Variants in TUBGCP4 observed in about 807,000 individuals in gnomAD.
The protein encoded by TUBGCP4 is tubulin gamma complex component 4.
In TUBGCP4, 54 loss-of-function variants were observed where a neutral mutation model predicts 91.6. The ratio of observed to expected loss-of-function variants is 0.59; its 90% CI spans 0.47 to 0.74. The LOEUF is 0.74. Among genes scored for constraint, TUBGCP4 ranks in the 30% least tolerant of loss-of-function variants. The pLI is 0.00. For missense variants in TUBGCP4, 593 were observed against 800.9 expected (o/e 0.74, Z 3.13); for synonymous variants, 297 against 302.8 (o/e 0.98, Z 0.20).
Position 43,376,501 on chromosome 15 carries a change from A to T in TUBGCP4, c.208-2A>T. The T allele has an allele frequency of 6.2e-7, 1 of 1,614,162 alleles. No homozygotes were observed. The highest frequency in any genetic ancestry group is 8.5e-7 in the Non-Finnish European group (1 of 1,180,034). ...AGTTGGCTTCTGTTTGTTTGATTTC[A>T]GGATCACCATCCATCTCAACAGGGC... On this transcript the variant is annotated splice_acceptor_variant, in intron 2 of 17. Transcript: ENST00000564079. LOFTEE classifies it high-confidence loss of function.
chr15:43,400,488 C>G (rs560007050), intron 14 of TUBGCP4, among the ~76,000 whole-genome samples: 70 of 152,288 alleles, frequency 4.6e-4, no homozygotes, highest in Non-Finnish European at 7.5e-4. Flanking sequence ...GCCTCAAGCT[C>G]CTGGACTCAA....
Position 43,409,620 on chromosome 15 carries a change from A to G in TUBGCP4, c.*4406A>G, listed in dbSNP as rs755313240. 1 of 1,327,016 alleles carries G rather than the reference A, an allele frequency of 7.5e-7. No homozygotes were observed. Among genetic ancestry groups the G allele is most frequent in the Non-Finnish European group, 1.0e-6 (1 of 962,200 alleles). 82.2% of individuals were successfully genotyped at this position (1,327,016 alleles called of 1,614,324 possible). Reference sequence around the variant, plus strand: ...AGTTGGCTCTTATCATTGCCACTATATTAGGTTACACAAAGAAACTCCTCA... The same window carrying G: ...AGTTGGCTCTTATCATTGCCACTATGTTAGGTTACACAAAGAAACTCCTCA... On this transcript the variant is annotated 3_prime_UTR_variant, in exon 18 of 18. Coordinates refer to ENST00000564079, the MANE Select transcript of TUBGCP4 (RefSeq NM_014444.5).
At chr15:43,399,943 T>C (rs939836149) in intron 13 of TUBGCP4, 101 bp from the exon 14 acceptor site, 1 of 746,348 alleles carries the variant, frequency 1.3e-6, no homozygotes. Context: ...TACTGCCTGT[T>C]TGTGAGAGGA....
At chr15:43,381,573 C>T (rs1028950292) in intron 6 of TUBGCP4, among the ~76,000 whole-genome samples, 2 of 151,562 alleles carry the variant, frequency 1.3e-5, no homozygotes, top group African/African-American at 4.9e-5. Context: ...CCTGTCTGTA[C>T]CAAAAATAAA....
intron 9 of TUBGCP4, among the ~76,000 whole-genome samples, chr15:43,388,938 G>A (rs1040279244): frequency 4.6e-5 from 7 of 152,086 alleles, no homozygotes; most frequent in Admixed American, 4.6e-4. Flanking sequence ...TGTATACTAT[G>A]TGAATCTATT....
In TUBGCP4 at chr15:43,386,187, G is replaced by A. The variant is rs769393150; in HGVS notation, c.890-19G>A. On this transcript the variant is annotated intron_variant, in intron 8 of 17. Coordinates refer to ENST00000564079, the MANE Select transcript of TUBGCP4 (RefSeq NM_014444.5). ...GGGTATTCTCCGTCCTCCTTTGACG[G>A]TGTCTTCCTATTTTGCAGGATCCAT... The A allele has an allele frequency of 6.3e-7, 1 of 1,598,680 alleles. No individual in the cohort carries two copies. Among genetic ancestry groups the A allele is most frequent in the Non-Finnish European group, 8.5e-7 (1 of 1,173,444 alleles).
In TUBGCP4 at chr15:43,405,259, T is replaced by C. The variant is rs1595507810; in HGVS notation, c.*45T>C. On this transcript the variant is annotated 3_prime_UTR_variant, in exon 18 of 18. Coordinates refer to ENST00000564079, the MANE Select transcript of TUBGCP4 (RefSeq NM_014444.5). ...TGAAATAACAGCCACGTTCCCAAGG[T>C]TGTAACAGAAGATTCAAAACATCCC... The C allele has an allele frequency of 6.2e-7, 1 of 1,609,288 alleles. No homozygotes were observed. Among genetic ancestry groups the C allele is most frequent in the Non-Finnish European group, 8.5e-7 (1 of 1,175,692 alleles).
chr15:43,405,161 G>A (rs1159227497), intron 17 of TUBGCP4, 41 bp from the exon 18 acceptor site: 1 of 1,612,618 alleles, frequency 6.2e-7, no homozygotes, highest in Non-Finnish European at 8.5e-7. Flanking sequence ...GTAGTCTTGG[G>A]AAAGCATGAC....
Position 43,408,229 on chromosome 15 carries a change from G to C in TUBGCP4, c.*3015G>C. ...ATAGTGTCTCAAGCCTGTAATCCCA[G>C]CACTTTGGGAGGCTGTCGTGGTTGG... On this transcript the variant is annotated 3_prime_UTR_variant, in exon 18 of 18. Coordinates refer to ENST00000564079, the MANE Select transcript of TUBGCP4 (RefSeq NM_014444.5). 1.1e-6 allele frequency: 1 copy of C among 877,212 alleles called. No homozygotes were observed. Among genetic ancestry groups the C allele is most frequent in the Non-Finnish European group, 1.7e-6 (1 of 590,554 alleles). The allele number at this position is 877,212 out of a possible 1,614,324, so 54.3% of individuals were successfully genotyped here.
chr15:43,376,547 C>T lies in TUBGCP4; in HGVS notation c.252C>T (p.Ile84=). ...SQQGQGGLHG[I]YLRAFCTGLD... ...AGGGCCAAGGTGGGTTACATGGAAT[C>T]TACCTGCGGGCCTTCTGCACAGGGC... The change falls in exon 3 of 18, where the codon ATC becomes ATT. Residue 84 remains isoleucine, a synonymous_variant. Transcript: ENST00000564079. The T allele has an allele frequency of 4.3e-6, 7 of 1,614,222 alleles. No individual in the cohort carries two copies. The highest frequency in any genetic ancestry group is 5.9e-6 in the Non-Finnish European group (7 of 1,180,040).
intron 13 of TUBGCP4, chr15:43,399,268 G>C: frequency 1.8e-6 from 1 of 567,602 alleles, no homozygotes; most frequent in East Asian, 8.3e-5. Context: ...ACCTGAACTT[G>C]CAGGGAGGCA....
chr15:43,401,591 A>T, intron 14 of TUBGCP4, 125 bp from the exon 15 acceptor site: 1 of 1,016,952 alleles, frequency 9.8e-7, no homozygotes, highest in Non-Finnish European at 1.5e-6. Context: ...GTCAGCCTTA[A>T]TGTGACTTGG....
intron 16 of TUBGCP4, chr15:43,404,119 C>T (rs2044774349): frequency 5.8e-6 from 3 of 514,222 alleles, no homozygotes; most frequent in African/African-American, 3.8e-5. Flanking sequence ...AGATAATTAT[C>T]TGCTTGTAAT....
intron 15 of TUBGCP4, chr15:43,403,022 T>C (rs2044721827): frequency 6.6e-6 from 1 of 152,380 alleles, no homozygotes. Flanking sequence ...TTATGTGGCA[T>C]AGATGTATCC....
In TUBGCP4 at chr15:43,405,677, T is replaced by G. The variant is rs1250828340; in HGVS notation, c.*463T>G. 6.2e-6 allele frequency: 1 copy of G among 161,282 alleles called. No individual in the cohort carries two copies. The highest frequency in any genetic ancestry group is 2.4e-5 in the African/African-American group (1 of 41,588). The allele number at this position is 161,282 out of a possible 1,614,324, so 10.0% of individuals were successfully genotyped here. On this transcript the variant is annotated 3_prime_UTR_variant, in exon 18 of 18. Coordinates refer to ENST00000564079, the MANE Select transcript of TUBGCP4 (RefSeq NM_014444.5). ...AAAGCAACAGGTAAGATAGGCTTTC[T>G]CTCTCCCTATACCAAGTAATTTATA...
chr15:43,396,468 AATAC>A (rs2044580965), intron 11 of TUBGCP4, among the ~76,000 whole-genome samples: 1 of 152,238 alleles, frequency 6.6e-6, no homozygotes, highest in Non-Finnish European at 1.5e-5. Context: ...TGAGAAAGAA[AATAC>A]ATACACACAG....
At chr15:43,399,215 CGT>C in intron 13 of TUBGCP4, 1 of 1,131,454 alleles carries the variant, frequency 8.8e-7, no homozygotes, top group South Asian at 1.6e-5. Flanking sequence ...CTGTTCTTCC[CGT>C]GTGTCTTTTA....
At position 43,397,254 on chromosome 15, in the gene TUBGCP4, G is replaced by C; in HGVS notation, c.1212G>C (p.Leu404Phe). ...VAFQQSAHKV[L>F]LDDDNLLPLL... is the part of the protein sequence containing the mutation. The stretch of plus-strand genomic sequence containing the variant: ...TTCAACAGTCAGCACACAAGGTATT[G>C]CTAGATGATGACAACCTTCTCCCTC... Residue 404 changes from leucine to phenylalanine, a missense_variant, in exon 12 of 18, where the codon TTG becomes TTC. By Grantham distance (22) the Leu-to-Phe change is conservative (BLOSUM62 0). Transcript: ENST00000564079. The C allele has an allele frequency of 1.9e-6, 3 of 1,614,158 alleles. No homozygotes were observed. Among genetic ancestry groups the C allele is most frequent in the Middle Eastern group, 3.3e-4 (2 of 6,062 alleles).
In TUBGCP4 at chr15:43,386,043, C is replaced by T. The variant is rs977646245; in HGVS notation, c.889+87C>T. ...GGCCCCACAGCATGCCTGGTCAGAGCGAGTGGTCGATAATATTCCTATCCT... is the reference window on the plus strand; with the variant it reads ...GGCCCCACAGCATGCCTGGTCAGAGTGAGTGGTCGATAATATTCCTATCCT... On this transcript the variant is annotated intron_variant, in intron 8 of 17. Transcript: ENST00000564079. 6.4e-5 allele frequency: 99 copies of T among 1,543,546 alleles called. No homozygotes were observed. The Middle Eastern group carries it at 7.5e-4, about 12-fold the overall frequency.
Sources: allele counts gnomAD v4.1 joint callset (sites outside exome capture counted in the v4.1 genomes callset), GRCh38; gene constraint gnomAD v4.1.1; transcripts MANE v1.5; gene names NCBI Gene and HGNC (gene_info 2026-07-23, HGNC 2026-07-21).